The following KANK1 variants were observed in gnomAD, a reference collection of about 807,000 sequenced individuals.
KANK1 encodes KN motif and ankyrin repeat domains 1.
In KANK1, 109 loss-of-function variants were observed where a neutral mutation model predicts 106.2. The ratio of observed to expected loss-of-function variants is 1.03; its 90% confidence interval spans 0.88 to 1.20. KANK1 has a LOEUF of 1.20. KANK1 is among the 50% of genes most tolerant of loss of function. The pLI, the probability that KANK1 is intolerant of heterozygous loss-of-function variation, is 0.00. For synonymous variants in KANK1, 873 were observed against 652.2 expected, an observed-to-expected ratio of 1.34 and a Z score of -5.16; for missense variants, 2,399 against 1,710.7, an observed-to-expected ratio of 1.40 and a Z score of -7.10.
In KANK1 at chr9:584,617, A is replaced by G. The variant is rs150909231; in HGVS notation, c.-84+79863A>G. 2.0e-5 allele frequency among the ~76,000 whole-genome samples: 3 copies of G among 152,336 alleles called. No individual in the cohort carries two copies. In the East Asian group the frequency reaches 5.8e-4, roughly 29 times the overall value. ...CTACAGCAGAAGAAGAATATAACTT[A>G]GCATTTGAGACTTGATAACATAGAG... On this transcript the variant is annotated intron_variant, in intron 1 of 11. Coordinates refer to ENST00000382297, the MANE Select transcript of KANK1 (RefSeq NM_015158.5).
intron 1 of KANK1, among the ~76,000 whole-genome samples, chr9:579,205 C>T (rs969873637): frequency 2.6e-5 from 4 of 152,098 alleles, no homozygotes; most frequent in African/African-American, 7.3e-5. Flanking sequence ...CCCGACCCAC[C>T]CACCCTGGGT....
At chr9:547,698 A>G (rs566850597) in intron 1 of KANK1, among the ~76,000 whole-genome samples, 3 of 143,668 alleles carry the variant, frequency 2.1e-5, no homozygotes, top group South Asian at 4.4e-4. Context: ...CTCTTCCTGC[A>G]TGGTGGGTAC....
chr9:606,886 C>G (rs1829340995), intron 1 of KANK1, among the ~76,000 whole-genome samples: 1 of 151,600 alleles, frequency 6.6e-6, no homozygotes, highest in Non-Finnish European at 1.5e-5. Context: ...AAAGTCCCTG[C>G]TCTCAGAAGG....
intron 9 of KANK1, among the ~76,000 whole-genome samples, chr9:741,948 C>CT (rs2132260328): frequency 6.6e-6 from 1 of 152,284 alleles, no homozygotes; most frequent in East Asian, 1.9e-4. Flanking sequence ...ACCACCTGAA[C>CT]TTCCAGCCCC....
chr9:512,007 AAG>A (rs1218472518), intron 1 of KANK1, among the ~76,000 whole-genome samples: 2 of 148,176 alleles, frequency 1.3e-5, no homozygotes, highest in Non-Finnish European at 2.9e-5. Flanking sequence ...TGGCTCCAAA[AAG>A]GCTTTGCTCC....
chr9:552,529 T>C (rs1387012764), intron 1 of KANK1, among the ~76,000 whole-genome samples: 1 of 152,208 alleles, frequency 6.6e-6, no homozygotes, highest in East Asian at 1.9e-4. Flanking sequence ...AAATATAATA[T>C]GTTTTAATAT....
At chr9:613,083 T>C (rs1394514616) in intron 1 of KANK1, among the ~76,000 whole-genome samples, 1 of 151,950 alleles carries the variant, frequency 6.6e-6, no homozygotes, top group African/African-American at 2.4e-5. Flanking sequence ...GGAGGAAATA[T>C]GGAGTAAAGA....
chr9:555,853 A>C (rs1472948894), intron 1 of KANK1, among the ~76,000 whole-genome samples: 1 of 152,222 alleles, frequency 6.6e-6, no homozygotes, highest in Non-Finnish European at 1.5e-5. Context: ...AGTGGTGATA[A>C]AGATGCCGAC....
chr9:718,131 G>A (rs1290254788), intron 3 of KANK1, among the ~76,000 whole-genome samples: 1 of 151,978 alleles, frequency 6.6e-6, no homozygotes. Flanking sequence ...ACCTGTCTTA[G>A]CACTTGGCTT....
At chr9:736,252 C>CCTGGCCTCAAAAA (rs1358510233) in intron 7 of KANK1, among the ~76,000 whole-genome samples, 5 of 152,178 alleles carry the variant, frequency 3.3e-5, no homozygotes, top group African/African-American at 1.2e-4. Flanking sequence ...ACCCACCGCG[C>CCTGGCCTCAAAAA]CTGGCCTCAA....
At chr9:624,698 C>G (rs1833936608) in intron 1 of KANK1, among the ~76,000 whole-genome samples, 1 of 152,064 alleles carries the variant, frequency 6.6e-6, no homozygotes, top group African/African-American at 2.4e-5. Context: ...ACTCGGGAGG[C>G]TGAGGCAGGA....
chr9:682,153 G>A (rs970231750), intron 2 of KANK1, among the ~76,000 whole-genome samples: 25 of 151,878 alleles, frequency 1.6e-4, no homozygotes, highest in Admixed American at 3.9e-4. Flanking sequence ...GGTGGTGGGC[G>A]CCTGTAATTC....
chr9:695,831 G>A (rs1199278241), intron 2 of KANK1, among the ~76,000 whole-genome samples: 1 of 152,180 alleles, frequency 6.6e-6, no homozygotes, highest in Non-Finnish European at 1.5e-5. Context: ...AGCAGAGCCA[G>A]GATTCAAACC....
rs760021223 is a variant in KANK1, at chr9:534,420, T to A, written c.-84+29666T>A. Among the ~76,000 whole-genome samples, 129 of 152,286 alleles carry A rather than the reference T, an allele frequency of 8.5e-4. 1 individual carries two copies. Among genetic ancestry groups the A allele is most frequent in the Non-Finnish European group, 1.5e-3 (101 of 68,024 alleles). ...ACTATCAACAGAAAGTAATGTAAGA[T>A]GTGATATCTTTTCAGCAGGACCTAA... On this transcript the variant is annotated intron_variant, in intron 1 of 11. Coordinates refer to ENST00000382297, the MANE Select transcript of KANK1 (RefSeq NM_015158.5).
intron 7 of KANK1, among the ~76,000 whole-genome samples, chr9:736,984 A>T (rs1418277727): frequency 6.6e-6 from 1 of 152,218 alleles, no homozygotes; most frequent in African/African-American, 2.4e-5. Flanking sequence ...ATTGCCGAGC[A>T]TGGTGTCATC....
chr9:550,952 C>G (rs2061244357), intron 1 of KANK1, among the ~76,000 whole-genome samples: 1 of 152,174 alleles, frequency 6.6e-6, no homozygotes, highest in African/African-American at 2.4e-5. Context: ...ATCCAGCCCT[C>G]TTTCTGCTGT....
At chr9:678,987 C>G (rs1440458223) in intron 2 of KANK1, among the ~76,000 whole-genome samples, 1 of 152,116 alleles carries the variant, frequency 6.6e-6, no homozygotes, top group Non-Finnish European at 1.5e-5. Context: ...GATACCTACC[C>G]CACTAATTCC....
chr9:633,426 C>G (rs964153715), intron 1 of KANK1, among the ~76,000 whole-genome samples: 2 of 152,136 alleles, frequency 1.3e-5, no homozygotes, highest in African/African-American at 4.8e-5. Context: ...CCCCTGCACT[C>G]CAGCCTGGGT....
At chr9:741,849 G>C (rs1835660026) in intron 9 of KANK1, among the ~76,000 whole-genome samples, 1 of 151,858 alleles carries the variant, frequency 6.6e-6, no homozygotes, top group East Asian at 1.9e-4. Flanking sequence ...GAACTCCTGA[G>C]CTCAGACAAT....
Sources: gnomAD v4.1 joint callset for allele counts (sites outside exome capture counted in the v4.1 genomes callset) on GRCh38, gnomAD v4.1.1 for gene constraint, MANE v1.5 for transcripts, NCBI Gene and HGNC (gene_info 2026-07-23, HGNC 2026-07-21) for gene names.